The following LRBA variants were observed in gnomAD, a reference collection of about 807,000 sequenced individuals.
The protein encoded by LRBA is LPS responsive beige-like anchor protein, also known as lipopolysaccharide-responsive and beige-like anchor protein.
In LRBA, 176 loss-of-function variants were observed where a neutral mutation model predicts 330.0. The ratio of observed to expected loss-of-function variants is 0.53; its 90% CI spans 0.47 to 0.60. The LOEUF is 0.60. Among genes scored for constraint, LRBA ranks in the 20% least tolerant of loss-of-function variants. LRBA has a pLI of 0.00. For missense variants in LRBA, 3,259 were observed against 3,444.8 expected (o/e 0.95, Z 1.35); for synonymous variants, 1,230 against 1,193.0 (o/e 1.03, Z -0.64).
At chr4:150,933,207 G>A (rs1365491737) in intron 2 of LRBA, among the ~76,000 whole-genome samples, 2 of 151,532 alleles carry the variant, frequency 1.3e-5, no homozygotes, top group Non-Finnish European at 2.9e-5. Flanking sequence ...GGTCAACATG[G>A]TGAAACCCCG....
intron 2 of LRBA, among the ~76,000 whole-genome samples, chr4:150,978,544 G>C (rs1740468409): frequency 6.6e-6 from 1 of 152,138 alleles, no homozygotes. Context: ...TAAAGAACCA[G>C]AGACCAATCC....
chr4:150,371,674 A>T (rs909829299), intron 47 of LRBA, among the ~76,000 whole-genome samples: 7 of 151,982 alleles, frequency 4.6e-5, no homozygotes, highest in African/African-American at 1.7e-4. Flanking sequence ...AGAACATAAA[A>T]CAAGCTTAAG....
chr4:150,633,814 T>C (rs1777618488), intron 37 of LRBA, among the ~76,000 whole-genome samples: 1 of 152,164 alleles, frequency 6.6e-6, no homozygotes, highest in African/African-American at 2.4e-5. Flanking sequence ...CTCAGGCTTC[T>C]TGTTTAAATA....
At position 150,868,254 on chromosome 4, in the gene LRBA, T is replaced by C. The variant is rs375882258; in HGVS notation, c.2501A>G (p.Glu834Gly). ...AAAGGCTCTGCGAACCTCCATGCTC[T>C]CTGGGCACTGGGGAGAATTTCGAAG... Reference protein sequence around the residue: ...TLLRNSPQCPESMEVRRAFLS... With the variant: ...TLLRNSPQCPGSMEVRRAFLS... The change falls in exon 21 of 57, where the codon GAG becomes GGG. Residue 834 changes from glutamate (E) to glycine (G), a missense_variant. Glu to Gly is a moderately conservative substitution (Grantham distance 98). Transcript: ENST00000651943. The C allele has an allele frequency of 6.2e-7, 1 of 1,612,528 alleles. No homozygotes were observed. The highest frequency in any genetic ancestry group is 8.5e-7 in the Non-Finnish European group (1 of 1,178,812).
At chr4:150,528,361 C>T (rs1439066813) in intron 40 of LRBA, among the ~76,000 whole-genome samples, 2 of 151,864 alleles carry the variant, frequency 1.3e-5, no homozygotes, top group East Asian at 1.9e-4. Flanking sequence ...ATTAGCCAGG[C>T]GTGGTGGTGG....
intron 40 of LRBA, among the ~76,000 whole-genome samples, chr4:150,570,564 C>T (rs1769713428): frequency 6.6e-6 from 1 of 152,030 alleles, no homozygotes; most frequent in Non-Finnish European, 1.5e-5. Context: ...TCTTTGTAAG[C>T]AATATATTTA....
At chr4:150,496,502 T>C (rs191762670) in intron 40 of LRBA, among the ~76,000 whole-genome samples, 6 of 152,118 alleles carry the variant, frequency 3.9e-5, no homozygotes, top group Admixed American at 3.3e-4. Context: ...TAAAAAAAAC[T>C]ATCCTTGATA....
At chr4:150,695,919 T>C (rs1445270746) in intron 36 of LRBA, among the ~76,000 whole-genome samples, 3 of 152,160 alleles carry the variant, frequency 2.0e-5, no homozygotes, top group East Asian at 1.9e-4. Flanking sequence ...CTACTACAAA[T>C]AGGTAAATCT....
intron 36 of LRBA, among the ~76,000 whole-genome samples, chr4:150,702,966 G>A (rs1582094026): frequency 6.6e-6 from 1 of 152,078 alleles, no homozygotes; most frequent in Non-Finnish European, 1.5e-5. Flanking sequence ...TCGAGACCAG[G>A]CTGGCCAACA....
At chr4:150,471,547 C>T (rs1756130633) in intron 43 of LRBA, 77 bp downstream of exon 43, 5 of 800,166 alleles carry the variant, frequency 6.2e-6, no homozygotes, top group South Asian at 3.5e-5. Context: ...GCTAGTTATA[C>T]CACTACTTAA....
At chr4:150,965,166 G>C (rs1014319577) in intron 2 of LRBA, among the ~76,000 whole-genome samples, 2 of 152,100 alleles carry the variant, frequency 1.3e-5, no homozygotes, top group Non-Finnish European at 2.9e-5. Context: ...CATTAAGTAT[G>C]AAATAGTATA....
intron 36 of LRBA, among the ~76,000 whole-genome samples, chr4:150,688,518 AC>A (rs1362162994): frequency 6.6e-6 from 1 of 152,332 alleles, no homozygotes; most frequent in African/African-American, 2.4e-5. Flanking sequence ...TAAACAGACA[AC>A]CTACAGAATG....
intron 28 of LRBA, among the ~76,000 whole-genome samples, chr4:150,837,607 T>C (rs1748333792): frequency 1.3e-5 from 2 of 152,212 alleles, no homozygotes; most frequent in Non-Finnish European, 2.9e-5. Flanking sequence ...GAGACTAGGA[T>C]TGCAACCCCT....
At chr4:150,421,433 T>A (rs551012099) in intron 46 of LRBA, among the ~76,000 whole-genome samples, 82 of 151,090 alleles carry the variant, frequency 5.4e-4, no homozygotes, top group Non-Finnish European at 1.0e-3. Context: ...TGTTATTTCT[T>A]ATTAAAATAA....
chr4:150,937,213 C>T (rs1179440740), intron 2 of LRBA, among the ~76,000 whole-genome samples: 1 of 152,026 alleles, frequency 6.6e-6, no homozygotes. Flanking sequence ...ATTTGATATA[C>T]TATATGTATG....
chr4:150,473,439 T>C (rs1327576221), intron 42 of LRBA, among the ~76,000 whole-genome samples: 3 of 152,210 alleles, frequency 2.0e-5, no homozygotes, highest in Admixed American at 6.5e-5. Flanking sequence ...TGATGGCATT[T>C]CCAGAGAGAT....
intron 42 of LRBA, among the ~76,000 whole-genome samples, chr4:150,479,511 G>A (rs575210811): frequency 4.6e-5 from 7 of 152,074 alleles, no homozygotes; most frequent in Admixed American, 2.6e-4. Context: ...AAGCATTACC[G>A]GTATTGTAAG....
chr4:150,701,196 G>A (rs1785084604), intron 36 of LRBA, among the ~76,000 whole-genome samples: 1 of 152,046 alleles, frequency 6.6e-6, no homozygotes, highest in Non-Finnish European at 1.5e-5. Context: ...CTCACTGGAG[G>A]GTCTTTGGGG....
chr4:150,910,598 G>A (rs958731282), intron 9 of LRBA, among the ~76,000 whole-genome samples: 2 of 152,120 alleles, frequency 1.3e-5, no homozygotes, highest in African/African-American at 4.8e-5. Flanking sequence ...AAACCCTGAA[G>A]TGTAAAGCCT....
Sources: gnomAD v4.1 joint callset for allele counts (sites outside exome capture counted in the v4.1 genomes callset) on GRCh38, gnomAD v4.1.1 for gene constraint, MANE v1.5 for transcripts, NCBI Gene and HGNC (gene_info 2026-07-23, HGNC 2026-07-21) for gene names.